SH3BP2: variants seen among roughly 807,000 people sequenced by gnomAD.
SH3BP2 encodes SH3 domain binding protein 2, also known as SH3 domain-binding protein 2.
In SH3BP2, 38 loss-of-function variants were observed where a neutral mutation model predicts 56.2. The ratio of observed to expected loss-of-function variants is 0.68; its 90% confidence interval spans 0.52 to 0.89. The LOEUF (loss-of-function observed/expected upper bound fraction) is 0.89, where lower values mean the gene tolerates loss of function less well. SH3BP2 is among the 40% of genes least tolerant of loss of function. The pLI is 0.00. For missense variants in SH3BP2, 748 were observed against 762.6 expected (o/e 0.98, Z 0.23); for synonymous variants, 346 against 316.7 (o/e 1.09, Z -0.98).
chr4:2,801,150 G>C (rs444521), intron 1 of SH3BP2, among the ~76,000 whole-genome samples: 122,461 of 152,172 alleles, frequency 0.8, 50,150 homozygotes, highest in African/African-American at 0.95. Context: ...GTGCAGAGAG[G>C]CTGCGGCAGA....
chr4:2,806,454 G>A (rs868483274), intron 1 of SH3BP2, among the ~76,000 whole-genome samples: 25 of 152,324 alleles, frequency 1.6e-4, no homozygotes, highest in African/African-American at 5.3e-4. Context: ...GTAGAAACTC[G>A]TCAGTGTTTG....
chr4:2,801,319 C>G (rs546255938), intron 1 of SH3BP2, among the ~76,000 whole-genome samples: 1 of 152,194 alleles, frequency 6.6e-6, no homozygotes, highest in South Asian at 2.1e-4. Context: ...CAGGAGCCAG[C>G]GGGCATGAGT....
In SH3BP2 at chr4:2,831,581, C is replaced by G. The variant is rs757336022; in HGVS notation, c.1252C>G (p.Pro418Ala). 7 of 1,587,482 alleles carry G rather than the reference C, an allele frequency of 4.4e-6. No homozygotes were observed. Among genetic ancestry groups the G allele is most frequent in the Middle Eastern group, 1.7e-4 (1 of 6,028 alleles). The change falls in exon 9 of 13, where the codon CCC becomes GCC. Residue 418 changes from proline (P) to alanine (A), a missense_variant. Physicochemically the swap from Pro to Ala is conservative, Grantham distance 27. Transcript: ENST00000503393. The surrounding 1 kb of genome is among the most constrained non-coding windows in gnomAD (Gnocchi z 4.1). ...PQLPHLQRSP[P>A]DGQSFRSFSF... ...TCCCTGCCCCTCCAGGCGATCACCC[C>G]CCGATGGGCAGAGTTTCAGGAGCTT...
Position 2,832,372 on chromosome 4 carries a change from G to C in SH3BP2, c.1448G>C (p.Gly483Ala), listed in dbSNP as rs748160727. 2.2e-5 allele frequency: 35 copies of C among 1,614,018 alleles called. No individual in the cohort carries two copies. The highest frequency in any genetic ancestry group is 2.9e-5 in the Non-Finnish European group (34 of 1,180,008). The change falls in exon 11 of 13, where the codon GGA becomes GCA. Residue 483 changes from glycine (G) to alanine (A), a missense_variant. Transcript: ENST00000503393. ...ATSPRGEPQD[G>A]LYCIRNSSTK... The stretch of plus-strand genomic sequence containing the variant: ...AGCCCCCGGGGAGAGCCCCAGGATG[G>C]ACTCTACTGCATCCGGAACTCCTCT...
intron 1 of SH3BP2, chr4:2,812,319 A>G: frequency 6.5e-7 from 1 of 1,549,520 alleles, no homozygotes; most frequent in African/African-American, 1.4e-5. Flanking sequence ...CTGTGGGCAC[A>G]GCTGTGGGGC....
chr4:2,825,947 A>C (rs1467725271), intron 5 of SH3BP2, among the ~76,000 whole-genome samples: 1 of 152,194 alleles, frequency 6.6e-6, no homozygotes, highest in Non-Finnish European at 1.5e-5. Flanking sequence ...TGGAGGGAAC[A>C]AACCTTCCTG....
In SH3BP2 at chr4:2,831,919, G is replaced by C; in HGVS notation, c.1351-4G>C. 2 of 1,612,696 alleles carry C rather than the reference G, an allele frequency of 1.2e-6. No individual in the cohort carries two copies. The highest frequency in any genetic ancestry group is 1.7e-6 in the Non-Finnish European group (2 of 1,180,002). ...TTGGCACTGACACCGTCAGCCTCTT[G>C]CAGGTGCCACTGCCCAACTCGGTCT... is the stretch of plus-strand genomic sequence containing the variant. On this transcript the variant is annotated splice_polypyrimidine_tract_variant and splice_region_variant and intron_variant, in intron 9 of 12. Transcript: ENST00000503393. This position sits in a 1 kb window ranked among gnomAD's most constrained non-coding sequence, Gnocchi z 4.1.
chr4:2,800,986 GGCTCC>G (rs1211933063), intron 1 of SH3BP2, among the ~76,000 whole-genome samples: 43 of 123,800 alleles, frequency 3.5e-4, no homozygotes, highest in African/African-American at 9.9e-4. Context: ...GTGACAGGCT[GGCTCC>G]GAGGGAGGAA....
chr4:2,793,321 G>A (rs1470535111), intron 1 of SH3BP2, among the ~76,000 whole-genome samples, 183 bp downstream of exon 1: 3 of 144,498 alleles, frequency 2.1e-5, no homozygotes, highest in East Asian at 4.2e-4. Context: ...GGGAGTCTCC[G>A]GGGAGTCTCA....
chr4:2,830,104 G>T lies in SH3BP2; in HGVS notation c.1198G>T (p.Ala400Ser). The T allele has an allele frequency of 1.9e-6, 3 of 1,605,884 alleles. No homozygotes were observed. Among genetic ancestry groups the T allele is most frequent in the Non-Finnish European group, 2.5e-6 (3 of 1,179,166 alleles). Residue 400 changes from alanine (A) to serine (S), a missense_variant, in exon 8 of 13, where the codon GCA becomes TCA. Ala to Ser is a moderately conservative substitution (Grantham distance 99). Around this residue, in one of 3 missense-constraint regions of SH3BP2, gnomAD observed 635 missense variants for 615.0 expected, o/e 1.03. Coordinates refer to ENST00000503393, the MANE Select transcript of SH3BP2 (RefSeq NM_001122681.2). ...AGTGCCTGAGGCCATGGCGCGGCCC[G>T]CAGTCCTGCCCAGGCCAGAGAAGCC... ...LPVPEAMARP[A>S]VLPRPEKPQL...
chr4:2,805,474 C>T (rs966485958), intron 1 of SH3BP2, among the ~76,000 whole-genome samples: 49 of 152,218 alleles, frequency 3.2e-4, no homozygotes, highest in African/African-American at 9.4e-4. Context: ...CTAGGCCCCA[C>T]GGAGAGTAGG....
At chr4:2,806,221 G>C (rs1488992651) in intron 1 of SH3BP2, among the ~76,000 whole-genome samples, 1 of 152,132 alleles carries the variant, frequency 6.6e-6, no homozygotes, top group Non-Finnish European at 1.5e-5. Context: ...GCCACTGGGT[G>C]GGGCAGGACT....
At chr4:2,802,949 C>T (rs1207286113) in intron 1 of SH3BP2, among the ~76,000 whole-genome samples, 3 of 152,172 alleles carry the variant, frequency 2.0e-5, no homozygotes, top group Non-Finnish European at 4.4e-5. Context: ...ATGGGGGCCA[C>T]GCCTGGGCCC....
At chr4:2,797,084 G>A (rs1190784337) in intron 1 of SH3BP2, among the ~76,000 whole-genome samples, 1 of 152,180 alleles carries the variant, frequency 6.6e-6, no homozygotes, top group East Asian at 1.9e-4. Flanking sequence ...AGTTCCTTCA[G>A]CCTCGATCCA....
chr4:2,826,841 G>T lies in SH3BP2; in HGVS notation c.429-389G>T, dbSNP rs777486358. 1.2e-4 allele frequency: 54 copies of T among 446,056 alleles called. 1 individual carries two copies. The highest frequency in any genetic ancestry group is 9.0e-4 in the South Asian group (53 of 58,784). The allele number at this position is 446,056 out of a possible 1,614,324, so 27.6% of individuals were successfully genotyped here. ...TCTGTGTTTATCTGTATACTTCCAT[G>T]TCTGTGTGACAGAGTCCTTGTGTCT... On this transcript the variant is annotated intron_variant, in intron 5 of 12. Transcript: ENST00000503393.
Position 2,825,204 on chromosome 4 carries a change from CG to C in SH3BP2, c.428+11del. The C allele has an allele frequency of 6.4e-7, 1 of 1,572,172 alleles. No individual in the cohort carries two copies. The highest frequency in any genetic ancestry group is 8.6e-7 in the Non-Finnish European group (1 of 1,158,264). ...CCTGCCCTTGGACACCAGGTGAGCC[CG>C]GGCCCAGGGCATACCGGGCAGTGAG... On this transcript the variant is annotated intron_variant, in intron 5 of 12. Coordinates refer to ENST00000503393, the MANE Select transcript of SH3BP2 (RefSeq NM_001122681.2).
intron 1 of SH3BP2, among the ~76,000 whole-genome samples, chr4:2,808,735 C>A (rs905462510): frequency 2.6e-5 from 4 of 151,972 alleles, no homozygotes; most frequent in Admixed American, 2.6e-4. Context: ...TTGAGATTTT[C>A]CCTGGGGGTG....
At chr4:2,809,413 C>G (rs1723657407) in intron 1 of SH3BP2, among the ~76,000 whole-genome samples, 1 of 151,880 alleles carries the variant, frequency 6.6e-6, no homozygotes, top group Non-Finnish European at 1.5e-5. Context: ...AATGCCCTCC[C>G]TCTCTCCCCT....
intron 1 of SH3BP2, chr4:2,812,193 A>G: frequency 6.9e-7 from 1 of 1,448,426 alleles, no homozygotes; most frequent in South Asian, 1.4e-5. Flanking sequence ...AGGACCTCAC[A>G]GGGTAGAAGG....
Sources: allele counts gnomAD v4.1 joint callset (sites outside exome capture counted in the v4.1 genomes callset), GRCh38; gene constraint gnomAD v4.1.1; regional missense constraint gnomAD v4.1.1; non-coding constraint Gnocchi (gnomAD v3.1); transcripts MANE v1.5; gene names NCBI Gene and HGNC (gene_info 2026-07-23, HGNC 2026-07-21).